SLTM: variants seen among roughly 807,000 people sequenced by gnomAD.
The protein encoded by SLTM is SAFB-like transcription modulator.
In SLTM, 43 loss-of-function variants were observed where a neutral mutation model predicts 134.6. That is an observed-to-expected ratio of 0.32 (90% CI 0.25 to 0.41). The LOEUF (loss-of-function observed/expected upper bound fraction) is 0.41. SLTM is among the 10% of genes least tolerant of loss of function. The probability of loss-of-function intolerance (pLI) is 1.00; values close to 1 mark genes in which losing one functional copy is unlikely to be tolerated. For missense variants in SLTM, 1,055 were observed against 1,288.8 expected, an observed-to-expected ratio of 0.82 and a Z score of 2.78; for synonymous variants, 424 against 432.3, an observed-to-expected ratio of 0.98 and a Z score of 0.24.
chr15:58,911,706 C>T (rs935381445), intron 5 of SLTM, among the ~76,000 whole-genome samples: 2 of 152,188 alleles, frequency 1.3e-5, no homozygotes, highest in Non-Finnish European at 2.9e-5. Context: ...TGTCTGCTTA[C>T]AGCATCTGTA....
At chr15:58,887,770 C>A (rs1026618606) in intron 17 of SLTM, 1 of 252,988 alleles carries the variant, frequency 4.0e-6, no homozygotes, top group African/African-American at 2.3e-5. Flanking sequence ...ATACCGAACA[C>A]TCAAAAGTCA....
intron 2 of SLTM, among the ~76,000 whole-genome samples, chr15:58,926,696 C>A (rs1421909789): frequency 1.3e-5 from 2 of 151,520 alleles, no homozygotes; most frequent in African/African-American, 2.4e-5. Context: ...CTCACTGCAA[C>A]CTCCTCCTCC....
intron 2 of SLTM, among the ~76,000 whole-genome samples, chr15:58,923,312 T>G (rs1426900632): frequency 6.6e-6 from 1 of 152,104 alleles, no homozygotes; most frequent in Admixed American, 6.6e-5. Flanking sequence ...GAGCCAAGAT[T>G]GTGCCACTCA....
At chr15:58,904,339 TA>T (rs1191011105) in intron 5 of SLTM, among the ~76,000 whole-genome samples, 1 of 152,126 alleles carries the variant, frequency 6.6e-6, no homozygotes, top group Non-Finnish European at 1.5e-5. Context: ...GTCATTTTAT[TA>T]ATAAATGATA....
chr15:58,925,562 T>G (rs1430538966), intron 2 of SLTM, among the ~76,000 whole-genome samples: 1 of 152,114 alleles, frequency 6.6e-6, no homozygotes, highest in African/African-American at 2.4e-5. Flanking sequence ...GGTCTCGAAC[T>G]CCTGACCTCA....
intron 5 of SLTM, among the ~76,000 whole-genome samples, chr15:58,902,729 G>T (rs1346775810): frequency 7.1e-6 from 1 of 140,314 alleles, no homozygotes; most frequent in African/African-American, 2.6e-5. Flanking sequence ...GTTTTGTCTT[G>T]TTTTTTTTTT....
At chr15:58,894,734 A>G in intron 9 of SLTM, 152 bp from the exon 10 acceptor site, 1 of 685,022 alleles carries the variant, frequency 1.5e-6, no homozygotes, top group Admixed American at 3.1e-5. Context: ...AGATGGAGTC[A>G]CACTCTGTCA....
intron 9 of SLTM, among the ~76,000 whole-genome samples, chr15:58,895,734 T>C (rs1318651751): frequency 6.6e-6 from 1 of 152,208 alleles, no homozygotes. Context: ...TAACAATACA[T>C]TATTGAAAAC....
chr15:58,893,200 A>G (rs2034801848), intron 13 of SLTM, 79 bp downstream of exon 13: 6 of 1,445,012 alleles, frequency 4.2e-6, no homozygotes, highest in Admixed American at 2.0e-5. Flanking sequence ...AAGTACGCAA[A>G]GATGGTTATG....
chr15:58,889,686 G>A (rs2034510830), intron 15 of SLTM, 132 bp from the exon 16 acceptor site: 1 of 1,032,638 alleles, frequency 9.7e-7, no homozygotes, highest in Non-Finnish European at 1.4e-6. Context: ...ACAAACCTAT[G>A]ACACCTAAAT....
chr15:58,933,120 G>C (rs573140215), intron 1 of SLTM, among the ~76,000 whole-genome samples: 1 of 152,114 alleles, frequency 6.6e-6, no homozygotes, highest in African/African-American at 2.4e-5. Context: ...GCGCCGGCCG[G>C]CCGCAACCCT....
intron 5 of SLTM, among the ~76,000 whole-genome samples, chr15:58,907,782 A>G (rs758771838): frequency 2.6e-5 from 4 of 152,226 alleles, no homozygotes; most frequent in South Asian, 2.1e-4. Context: ...ATTAATCCCT[A>G]TATCAACTGA....
At chr15:58,889,947 A>G (rs2034528077) in intron 15 of SLTM, 1 of 364,700 alleles carries the variant, frequency 2.7e-6, no homozygotes, top group Non-Finnish European at 4.9e-6. Flanking sequence ...CATTCCCACT[A>G]TAATATGTAA....
intron 13 of SLTM, 62 bp downstream of exon 13, chr15:58,893,217 C>T: frequency 2.0e-6 from 3 of 1,484,472 alleles, no homozygotes; most frequent in Non-Finnish European, 2.8e-6. Context: ...TATGGAAAAA[C>T]AGAATTATCT....
intron 11 of SLTM, 33 bp from the exon 12 acceptor site, chr15:58,894,020 T>C (rs1400477580): frequency 6.2e-7 from 1 of 1,601,850 alleles, no homozygotes; most frequent in Non-Finnish European, 8.5e-7. Flanking sequence ...AAAAACAGAA[T>C]GAGTACTTCA....
Position 58,913,389 on chromosome 15 carries a change from C to A in SLTM, c.513+110G>T, listed in dbSNP as rs1431252830. The A allele has an allele frequency of 6.7e-6, 6 of 898,414 alleles. 1 individual carries two copies. Among genetic ancestry groups the A allele is most frequent in the Non-Finnish European group, 9.7e-6 (6 of 619,324 alleles). The allele number at this position is 898,414 out of a possible 1,614,324, so 55.7% of individuals were successfully genotyped here. On this transcript the variant is annotated intron_variant, in intron 4 of 20. Coordinates refer to ENST00000380516, the MANE Select transcript of SLTM (RefSeq NM_024755.4). ...GATGACTTATAAGTAGCTTTAGTAA[C>A]ACATCTTTTAAAAATTCTGAGACTT...
rs553632416 is a variant in SLTM, at chr15:58,879,384, G to T, written c.*615C>A. 3.9e-5 allele frequency: 6 copies of T among 152,370 alleles called. No homozygotes were observed. The highest frequency in any genetic ancestry group is 8.8e-5 in the Non-Finnish European group (6 of 68,014). 9.4% of individuals were successfully genotyped at this position (152,370 alleles called of 1,614,324 possible). On this transcript the variant is annotated 3_prime_UTR_variant, in exon 21 of 21. Coordinates refer to ENST00000380516, the MANE Select transcript of SLTM (RefSeq NM_024755.4). ...GTGCTGCTACACTAAACTGAAAATC[G>T]GTTCTCATTTTACAATTAAAAAGGT...
intron 5 of SLTM, among the ~76,000 whole-genome samples, chr15:58,902,751 T>A (rs1371621142): frequency 1.3e-5 from 2 of 150,500 alleles, no homozygotes; most frequent in Non-Finnish European, 1.5e-5. Context: ...TGAGACAGAG[T>A]TTTGCTCTGT....
At chr15:58,924,577 CAA>C (rs1373752867) in intron 2 of SLTM, among the ~76,000 whole-genome samples, 16 of 152,122 alleles carry the variant, frequency 1.1e-4, no homozygotes, top group African/African-American at 3.6e-4. Context: ...TGGGATAAGT[CAA>C]GACTATAAAT....
Sources: gnomAD v4.1 joint callset for allele counts (sites outside exome capture counted in the v4.1 genomes callset) on GRCh38, gnomAD v4.1.1 for gene constraint, MANE v1.5 for transcripts, NCBI Gene and HGNC (gene_info 2026-07-23, HGNC 2026-07-21) for gene names.